NMNAT2: variants seen among roughly 807,000 people sequenced by gnomAD.
The protein encoded by NMNAT2 is nicotinamide/nicotinic acid mononucleotide adenylyltransferase 2.
In NMNAT2, 11 loss-of-function variants were observed where a neutral mutation model predicts 41.6. The ratio of observed to expected loss-of-function variants is 0.26; its 90% CI spans 0.17 to 0.44. The LOEUF (loss-of-function observed/expected upper bound fraction) is 0.44. Among genes scored for constraint, NMNAT2 ranks in the 20% least tolerant of loss-of-function variants. The pLI is 1.00. For synonymous variants in NMNAT2, 148 were observed against 151.2 expected (o/e 0.98, Z 0.16); for missense variants, 288 against 407.7 (o/e 0.71, Z 2.53).
At chr1:183,382,689 G>A (rs933321786) in intron 1 of NMNAT2, among the ~76,000 whole-genome samples, 26 of 152,172 alleles carry the variant, frequency 1.7e-4, no homozygotes, top group Non-Finnish European at 4.4e-5. Flanking sequence ...AACCCAGTAG[G>A]GCAGTCATTA....
chr1:183,350,049 C>G (rs1021136628), intron 1 of NMNAT2, among the ~76,000 whole-genome samples: 2 of 152,206 alleles, frequency 1.3e-5, no homozygotes, highest in African/African-American at 4.8e-5. Context: ...CCCACACATT[C>G]ATACATTGAA....
chr1:183,327,999 G>C (rs555344929), intron 1 of NMNAT2, among the ~76,000 whole-genome samples: 1 of 152,212 alleles, frequency 6.6e-6, no homozygotes, highest in South Asian at 2.1e-4. Flanking sequence ...CAGGTCGGTG[G>C]CTCATCAACG....
chr1:183,298,370 T>G (rs1190540390), intron 1 of NMNAT2, among the ~76,000 whole-genome samples: 1 of 152,124 alleles, frequency 6.6e-6, no homozygotes, highest in Non-Finnish European at 1.5e-5. Flanking sequence ...AAGATCAACA[T>G]AAGAAAATTA....
intron 1 of NMNAT2, among the ~76,000 whole-genome samples, chr1:183,409,272 T>G (rs541909464): frequency 1.3e-4 from 20 of 152,152 alleles, no homozygotes; most frequent in Non-Finnish European, 2.5e-4. Flanking sequence ...TTTATTGAGT[T>G]TTTTAAATGG....
intron 1 of NMNAT2, among the ~76,000 whole-genome samples, chr1:183,362,052 C>A (rs908190135): frequency 6.6e-6 from 1 of 152,202 alleles, no homozygotes; most frequent in Non-Finnish European, 1.5e-5. Context: ...GATTCTCCTG[C>A]CTCAGCCTCC....
intron 2 of NMNAT2, 69 bp downstream of exon 2, chr1:183,293,636 C>T: frequency 1.7e-6 from 2 of 1,198,086 alleles, no homozygotes; most frequent in African/African-American, 1.5e-5. Context: ...AGTTTTTCTG[C>T]CAGGAACTAT....
At chr1:183,271,847 G>A (rs1214351012) in intron 8 of NMNAT2, among the ~76,000 whole-genome samples, 1 of 152,062 alleles carries the variant, frequency 6.6e-6, no homozygotes, top group Non-Finnish European at 1.5e-5. Flanking sequence ...GCACCTCCCG[G>A]GTTCAAGCAA....
intron 1 of NMNAT2, among the ~76,000 whole-genome samples, chr1:183,335,587 G>A (rs1662665774): frequency 1.3e-5 from 2 of 152,170 alleles, no homozygotes; most frequent in Non-Finnish European, 2.9e-5. Flanking sequence ...ATAGACATGG[G>A]AGAAATGTCT....
At chr1:183,360,273 A>G (rs1184237139) in intron 1 of NMNAT2, among the ~76,000 whole-genome samples, 1 of 152,160 alleles carries the variant, frequency 6.6e-6, no homozygotes, top group East Asian at 1.9e-4. Context: ...TCAGCCAAGG[A>G]AAAACAGCCT....
At chr1:183,384,301 G>A (rs1663865242) in intron 1 of NMNAT2, among the ~76,000 whole-genome samples, 1 of 152,192 alleles carries the variant, frequency 6.6e-6, no homozygotes, top group Non-Finnish European at 1.5e-5. Context: ...CCAGATTCAA[G>A]TGATTCTCCT....
intron 1 of NMNAT2, among the ~76,000 whole-genome samples, chr1:183,371,943 C>A (rs1012383407): frequency 6.6e-6 from 1 of 152,100 alleles, no homozygotes; most frequent in Non-Finnish European, 1.5e-5. Flanking sequence ...CCACAGCCAG[C>A]TAATTTTTTC....
chr1:183,396,407 C>G (rs759484417), intron 1 of NMNAT2, among the ~76,000 whole-genome samples: 4 of 152,166 alleles, frequency 2.6e-5, no homozygotes, highest in Non-Finnish European at 5.9e-5. Context: ...AGGTGGTGAT[C>G]AGCAGCTTCC....
chr1:183,411,125 T>C (rs1179545904), intron 1 of NMNAT2, among the ~76,000 whole-genome samples: 1 of 152,150 alleles, frequency 6.6e-6, no homozygotes, highest in African/African-American at 2.4e-5. Context: ...AGTGGTAACT[T>C]CCTCCATGTT....
At chr1:183,319,373 C>G (rs565273804) in intron 1 of NMNAT2, among the ~76,000 whole-genome samples, 2 of 152,356 alleles carry the variant, frequency 1.3e-5, no homozygotes, top group Non-Finnish European at 2.9e-5. Context: ...AGCACAGTGC[C>G]TACATTTCCA....
At chr1:183,355,579 C>T (rs571430219) in intron 1 of NMNAT2, among the ~76,000 whole-genome samples, 1 of 152,328 alleles carries the variant, frequency 6.6e-6, no homozygotes, top group African/African-American at 2.4e-5. Context: ...AACTCATTGC[C>T]TGACACAGAG....
chr1:183,316,502 A>G (rs1662253332), intron 1 of NMNAT2, among the ~76,000 whole-genome samples: 1 of 152,114 alleles, frequency 6.6e-6, no homozygotes, highest in Non-Finnish European at 1.5e-5. Context: ...TCAGATGCTG[A>G]GTCAAACGGC....
chr1:183,371,075 G>GA (rs201199946), intron 1 of NMNAT2, among the ~76,000 whole-genome samples: 199 of 152,052 alleles, frequency 1.3e-3, no homozygotes, highest in African/African-American at 4.6e-3. Flanking sequence ...CTCCACAGGA[G>GA]AAAAAAAAGG....
intron 10 of NMNAT2, among the ~76,000 whole-genome samples, 190 bp downstream of exon 10, chr1:183,260,812 G>A (rs969411806): frequency 7.9e-5 from 10 of 126,874 alleles, no homozygotes; most frequent in Non-Finnish European, 1.1e-4. Context: ...AGAGTGAGAC[G>A]CTGTCTCAAA....
At chr1:183,306,104 AGG>A (rs1210038722) in intron 1 of NMNAT2, among the ~76,000 whole-genome samples, 1 of 152,100 alleles carries the variant, frequency 6.6e-6, no homozygotes, top group Non-Finnish European at 1.5e-5. Flanking sequence ...GTTCCCTTCT[AGG>A]GAACCAGCTG....
Sources: allele counts gnomAD v4.1 joint callset (sites outside exome capture counted in the v4.1 genomes callset), GRCh38; gene constraint gnomAD v4.1.1; transcripts MANE v1.5; gene names NCBI Gene and HGNC (gene_info 2026-07-23, HGNC 2026-07-21).